NTN4: variants seen among roughly 807,000 people sequenced by gnomAD.
The protein encoded by NTN4 is netrin-4.
In NTN4, 32 loss-of-function variants were observed where a neutral mutation model predicts 73.6. That is an observed-to-expected ratio of 0.44 (90% CI 0.33 to 0.58). The LOEUF is 0.58. NTN4 is among the 20% of genes least tolerant of loss of function. The pLI is 0.04. For missense variants in NTN4, 654 were observed against 798.3 expected (o/e 0.82, Z 2.18); for synonymous variants, 258 against 287.5 (o/e 0.90, Z 1.04).
intron 2 of NTN4, among the ~76,000 whole-genome samples, chr12:95,763,127 G>A (rs2078999976): frequency 6.6e-6 from 1 of 152,122 alleles, no homozygotes; most frequent in South Asian, 2.1e-4. Context: ...TTTGTATGAG[G>A]CACTGAGACT....
intron 5 of NTN4, among the ~76,000 whole-genome samples, chr12:95,686,016 G>T (rs957521497): frequency 2.6e-5 from 4 of 152,016 alleles, no homozygotes; most frequent in African/African-American, 9.7e-5. Context: ...CTCCCAAGTA[G>T]CTGGGACTAT....
rs1464080135 is a variant in NTN4 at position 95,683,313 on chromosome 12, C to T, written c.1394+185G>A. Among the ~76,000 whole-genome samples the T allele has an allele frequency of 6.6e-5, 10 of 152,358 alleles. No homozygotes were observed. The East Asian group carries it at 1.2e-3, about 18-fold the overall frequency. ...CTGACCTCAGGTGATCCACCCGCCT[C>T]AGCCTCCCAAAGTGTTGGAATTACA... On this transcript the variant is annotated intron_variant, in intron 6 of 9. Transcript: ENST00000343702.
rs750769630 is a variant in NTN4 at position 95,713,220 on chromosome 12, T to C, written c.983A>G (p.Glu328Gly). The change falls in exon 4 of 10, where the codon GAG becomes GGG. Residue 328 changes from glutamate (E) to glycine (G), a missense_variant. By Grantham distance (98) the Glu-to-Gly change is moderately conservative (BLOSUM62 -2). Transcript: ENST00000343702. ...GTGGGCTTGTTACTTACTTCTGCAC[T>C]CGTTGGGAGCCCCCGTTTTGCCATC... The part of the protein sequence containing the change: ...AADGKTGAPN[E>G]CRTCKCNGHA... The C allele has an allele frequency of 1.2e-6, 2 of 1,613,216 alleles. No individual in the cohort carries two copies. Among genetic ancestry groups the C allele is most frequent in the Non-Finnish European group, 1.7e-6 (2 of 1,179,250 alleles).
At chr12:95,770,320 A>ATTC (rs922490779) in intron 2 of NTN4, among the ~76,000 whole-genome samples, 1 of 152,138 alleles carries the variant, frequency 6.6e-6, no homozygotes, top group African/African-American at 2.4e-5. Flanking sequence ...GTGGGCTTAC[A>ATTC]TTCTTCTGAG....
chr12:95,766,095 T>G (rs1351270032), intron 2 of NTN4, among the ~76,000 whole-genome samples: 1 of 152,192 alleles, frequency 6.6e-6, no homozygotes, highest in African/African-American at 2.4e-5. Context: ...CTCCTCGCCT[T>G]TTTCCTCTGC....
chr12:95,721,949 C>A (rs2078651201), intron 3 of NTN4, among the ~76,000 whole-genome samples: 1 of 152,130 alleles, frequency 6.6e-6, no homozygotes, highest in South Asian at 2.1e-4. Context: ...CACACTCACA[C>A]ACAAATTTCC....
At chr12:95,769,751 C>CTTTTTTTTT (rs34093723) in intron 2 of NTN4, among the ~76,000 whole-genome samples, 1 of 117,120 alleles carries the variant, frequency 8.5e-6, no homozygotes, top group Non-Finnish European at 1.7e-5. Context: ...AGGTTTCAAT[C>CTTTTTTTTT]TTTTTTTTTT....
intron 7 of NTN4, chr12:95,673,370 T>A (rs1338492403): frequency 8.0e-6 from 2 of 249,852 alleles, no homozygotes; most frequent in Non-Finnish European, 1.6e-5. Flanking sequence ...ACCGCTTTGT[T>A]TACTAAGAAC....
At chr12:95,746,815 G>C (rs2078866312) in intron 2 of NTN4, among the ~76,000 whole-genome samples, 1 of 152,134 alleles carries the variant, frequency 6.6e-6, no homozygotes, top group African/African-American at 2.4e-5. Context: ...CAGTAAGCTG[G>C]GGTAATTGTA....
At chr12:95,661,419 C>T (rs540567209) in intron 9 of NTN4, among the ~76,000 whole-genome samples, 18 of 152,156 alleles carry the variant, frequency 1.2e-4, no homozygotes, top group Admixed American at 9.8e-4. Flanking sequence ...TATCAGTTGG[C>T]GATAAAGTCA....
At chr12:95,744,076 A>C (rs1485291370) in intron 2 of NTN4, among the ~76,000 whole-genome samples, 2 of 151,804 alleles carry the variant, frequency 1.3e-5, no homozygotes, top group Admixed American at 6.6e-5. Flanking sequence ...TAATTTTTGC[A>C]TTTTTAGTAG....
At chr12:95,756,346 C>T (rs773530304) in intron 2 of NTN4, among the ~76,000 whole-genome samples, 5 of 152,128 alleles carry the variant, frequency 3.3e-5, no homozygotes, top group Non-Finnish European at 5.9e-5. Context: ...CTGCCTGGCT[C>T]GCAAAGATGT....
Position 95,663,825 on chromosome 12 carries a change from T to C in NTN4, c.1750+1985A>G, listed in dbSNP as rs114755474. Among the ~76,000 whole-genome samples, 380 of 152,312 alleles carry C rather than the reference T, an allele frequency of 2.5e-3. 1 individual carries two copies. The highest frequency in any genetic ancestry group is 8.7e-3 in the African/African-American group (360 of 41,578). On this transcript the variant is annotated intron_variant, in intron 9 of 9. Coordinates refer to ENST00000343702, the MANE Select transcript of NTN4 (RefSeq NM_021229.4). Reference sequence around the variant, plus strand: ...GCAGAAACCTGATTAGGAAGTATAGTTCACTTCCTGGAGGGTGGCTCACAT... The same window carrying C: ...GCAGAAACCTGATTAGGAAGTATAGCTCACTTCCTGGAGGGTGGCTCACAT...
At chr12:95,766,392 C>T (rs2079021572) in intron 2 of NTN4, among the ~76,000 whole-genome samples, 1 of 152,080 alleles carries the variant, frequency 6.6e-6, no homozygotes, top group Non-Finnish European at 1.5e-5. Context: ...GGACATAAAT[C>T]CTCTCTGTAC....
At position 95,770,988 on chromosome 12, in the gene NTN4, A is replaced by ATTTTTTTTTTTTTTTTTTTTTTTTT. The variant is rs1460848065; in HGVS notation, c.585+15950_585+15951insAAAAAAAAAAAAAAAAAAAAAAAAA. Among the ~76,000 whole-genome samples the ATTTTTTTTTTTTTTTTTTTTTTTTT allele has an allele frequency of 4.3e-4, 25 of 58,088 alleles. 4 individuals carry two copies. The highest frequency in any genetic ancestry group is 7.4e-4 in the African/African-American group (17 of 22,886). The allele number at this position is 58,088 out of a possible 152,430, so 38.1% of individuals were successfully genotyped here. A position where few individuals can be genotyped will look rare whatever the true frequency, so the allele number is the denominator to read the frequency against. On this transcript the variant is annotated intron_variant, in intron 2 of 9. Coordinates refer to ENST00000343702, the MANE Select transcript of NTN4 (RefSeq NM_021229.4). ...GCAAGATGAACCATCCAGGAAAAGA[A>ATTTTTTTTTTTTTTTTTTTTTTTTT]TTTGTTTTTTTTTTTTTTTGAGACA...
At chr12:95,686,339 T>C (rs1023534871) in intron 5 of NTN4, among the ~76,000 whole-genome samples, 2 of 152,276 alleles carry the variant, frequency 1.3e-5, no homozygotes, top group East Asian at 3.9e-4. Context: ...CATAAAGCAC[T>C]GTGGGAACAC....
chr12:95,702,280 A>G (rs2121057665), intron 5 of NTN4, among the ~76,000 whole-genome samples: 1 of 150,468 alleles, frequency 6.6e-6, no homozygotes, highest in Non-Finnish European at 1.5e-5. Context: ...ACTCCGTCTC[A>G]AAAGAACAAA....
At chr12:95,678,349 T>TAAAAAA (rs59083360) in intron 7 of NTN4, among the ~76,000 whole-genome samples, 9 of 110,780 alleles carry the variant, frequency 8.1e-5, no homozygotes, top group Non-Finnish European at 1.2e-4. Flanking sequence ...GAACTTAAAG[T>TAAAAAA]AAAAAAAAAA....
At chr12:95,738,242 A>T (rs2121177059) in intron 2 of NTN4, 98 bp from the exon 3 acceptor site, 1 of 1,123,326 alleles carries the variant, frequency 8.9e-7, no homozygotes, top group Non-Finnish European at 1.3e-6. Context: ...GCCTTATGTC[A>T]TCTGTGAACG....
Sources: gnomAD v4.1 joint callset for allele counts (sites outside exome capture counted in the v4.1 genomes callset) on GRCh38, gnomAD v4.1.1 for gene constraint, MANE v1.5 for transcripts, NCBI Gene and HGNC (gene_info 2026-07-23, HGNC 2026-07-21) for gene names.